The following MS4A4E variants were observed in gnomAD, a reference collection of about 807,000 sequenced individuals.
MS4A4E encodes the protein putative membrane-spanning 4-domains subfamily A member 4E.
MS4A4E carries 23 observed loss-of-function variants against 13.3 expected under a neutral mutation model. That is an observed-to-expected ratio of 1.73 (90% confidence interval 1.25 to 2.45). The LOEUF is 2.45. Ranked by LOEUF, MS4A4E falls within the 30% of genes most tolerant of loss-of-function variation. The pLI is 0.00. For missense variants in MS4A4E, 144 were observed against 131.2 expected (o/e 1.10, Z -0.48); for synonymous variants, 36 against 45.6 (o/e 0.79, Z 0.85).
chr11:60,213,765 C>T, intron 4 of MS4A4E, among the ~76,000 whole-genome samples: 1 of 152,094 alleles, frequency 6.6e-6, no homozygotes, highest in Non-Finnish European at 1.5e-5. Context: ...GAGATCTTGG[C>T]TTTTGCATTT....
At chr11:60,217,155 C>T (rs1426368177) in intron 3 of MS4A4E, among the ~76,000 whole-genome samples, 2 of 152,148 alleles carry the variant, frequency 1.3e-5, no homozygotes, top group Admixed American at 6.6e-5. Context: ...TACTGAGCCT[C>T]AAATCTTCTA....
At chr11:60,232,725 C>G (rs1395983446) in intron 1 of MS4A4E, among the ~76,000 whole-genome samples, 1 of 152,190 alleles carries the variant, frequency 6.6e-6, no homozygotes, top group Non-Finnish European at 1.5e-5. Context: ...GCTGCCCCTT[C>G]TTGGAACTGA....
Position 60,200,672 on chromosome 11 carries a change from A to C in MS4A4E, c.*871T>G, listed in dbSNP as rs1462519046. On this transcript the variant is annotated 3_prime_UTR_variant, in exon 9 of 9. Coordinates refer to ENST00000651255, the MANE Select transcript of MS4A4E (RefSeq NM_001393391.1). The stretch of plus-strand genomic sequence containing the variant: ...TTTCTTAGTACAGAACAAAATGAAA[A>C]GTCTCCCATGTCTACTTCTTTCCAC... 6.6e-6 allele frequency among the ~76,000 whole-genome samples: 1 copy of C among 152,220 alleles called. No homozygotes were observed. The highest frequency in any genetic ancestry group is 1.5e-5 in the Non-Finnish European group (1 of 68,044).
At position 60,205,722 on chromosome 11, in the gene MS4A4E, AGT is replaced by A. The variant is rs2084030578; in HGVS notation, c.580_581del (p.Thr194CysfsTer16). ...AAGTCCACATTATTTACCACCATAC[AGT>A]ACTGTCGACATCAACATTTAGTCTC... is the stretch of plus-strand genomic sequence containing the variant. ...GKRLNVDVDS[T>X]VWCSGDGQYL... On this transcript the variant is annotated frameshift_variant, in exon 7 of 9. Coordinates refer to ENST00000651255, the MANE Select transcript of MS4A4E (RefSeq NM_001393391.1). LOFTEE classifies it high-confidence loss of function. 1.3e-5 allele frequency among the ~76,000 whole-genome samples: 2 copies of A among 152,258 alleles called. No individual in the cohort carries two copies. Among genetic ancestry groups the A allele is most frequent in the Non-Finnish European group, 2.9e-5 (2 of 68,044 alleles).
intron 1 of MS4A4E, among the ~76,000 whole-genome samples, chr11:60,239,110 G>T (rs2084518012): frequency 6.6e-6 from 1 of 152,218 alleles, no homozygotes; most frequent in Admixed American, 6.5e-5. Flanking sequence ...CTATTCGCCA[G>T]ACTAGTGTAG....
intron 3 of MS4A4E, among the ~76,000 whole-genome samples, chr11:60,217,529 T>G (rs1407372452): frequency 2.0e-5 from 3 of 152,142 alleles, no homozygotes; most frequent in Non-Finnish European, 1.5e-5. Flanking sequence ...CTGCGCTGCC[T>G]AATGCAACAG....
chr11:60,236,862 G>A lies in MS4A4E; in HGVS notation c.-17+6096C>T, dbSNP rs376104595. ...AGCAATTCTCCTGCCTCAGCCTCCC[G>A]AATACCTGGGACTACAGGCATGCAC... On this transcript the variant is annotated intron_variant, in intron 1 of 8. Coordinates refer to ENST00000651255, the MANE Select transcript of MS4A4E (RefSeq NM_001393391.1). Among the ~76,000 whole-genome samples the A allele has an allele frequency of 3.3e-5, 5 of 151,634 alleles. No individual in the cohort carries two copies. The East Asian group carries it at 7.8e-4, about 24-fold the overall frequency.
rs567649853 is a variant in MS4A4E at position 60,213,454 on chromosome 11, C to T, written c.223-322G>A. The T allele has an allele frequency of 4.4e-5, 29 of 656,086 alleles. No individual in the cohort carries two copies. In the South Asian group the frequency reaches 5.0e-4, roughly 11 times the overall value. The allele number at this position is 656,086 out of a possible 1,614,324, so 40.6% of individuals were successfully genotyped here. ...ATTCCTTGCTTCTGGTGCCCGATCT[C>T]TTATCATTGTTCTAAACACTGCTTG... On this transcript the variant is annotated intron_variant, in intron 4 of 8. Coordinates refer to ENST00000651255, the MANE Select transcript of MS4A4E (RefSeq NM_001393391.1).
chr11:60,225,161 A>G, intron 3 of MS4A4E: 1 of 1,359,882 alleles, frequency 7.4e-7, no homozygotes, highest in African/African-American at 1.4e-5. Context: ...TCCCTTTCCA[A>G]TCACTAAGCT....
intron 5 of MS4A4E, among the ~76,000 whole-genome samples, chr11:60,211,255 T>C (rs556964486): frequency 6.6e-6 from 1 of 152,216 alleles, no homozygotes; most frequent in African/African-American, 2.4e-5. Flanking sequence ...GGAAAATTTG[T>C]CAAATTCTCA....
intron 1 of MS4A4E, among the ~76,000 whole-genome samples, chr11:60,240,153 G>T (rs542312999): frequency 1.3e-5 from 2 of 152,326 alleles, no homozygotes; most frequent in African/African-American, 4.8e-5. Context: ...AAGAGCTAAA[G>T]GTAACAGGAA....
chr11:60,226,457 C>T (rs1001304135), intron 3 of MS4A4E, among the ~76,000 whole-genome samples: 1 of 152,056 alleles, frequency 6.6e-6, no homozygotes, highest in Non-Finnish European at 1.5e-5. Flanking sequence ...TGGGATTTAT[C>T]CCAGATATGC....
At chr11:60,204,778 TG>T (rs1313372194) in intron 8 of MS4A4E, among the ~76,000 whole-genome samples, 111 bp downstream of exon 8, 1 of 152,224 alleles carries the variant, frequency 6.6e-6, no homozygotes, top group Non-Finnish European at 1.5e-5. Context: ...GTATTCTCAC[TG>T]ATGTCCCATA....
intron 3 of MS4A4E, among the ~76,000 whole-genome samples, chr11:60,227,085 G>C (rs1334667210): frequency 6.6e-6 from 1 of 151,554 alleles, no homozygotes; most frequent in Non-Finnish European, 1.5e-5. Flanking sequence ...TGTTTGTTAG[G>C]CATAAATCTA....
intron 5 of MS4A4E, among the ~76,000 whole-genome samples, chr11:60,210,539 C>T (rs996928158): frequency 3.3e-5 from 5 of 152,210 alleles, no homozygotes; most frequent in African/African-American, 1.2e-4. Context: ...TATGGTTCTG[C>T]CTAATGATTC....
intron 1 of MS4A4E, among the ~76,000 whole-genome samples, chr11:60,231,359 A>G (rs2084409493): frequency 6.6e-6 from 1 of 152,012 alleles, no homozygotes; most frequent in East Asian, 1.9e-4. Flanking sequence ...TGATTGAAGT[A>G]GTTAAGATAA....
intron 1 of MS4A4E, among the ~76,000 whole-genome samples, chr11:60,231,889 C>A (rs1238248376): frequency 6.6e-6 from 1 of 152,038 alleles, no homozygotes; most frequent in Non-Finnish European, 1.5e-5. Context: ...TTAGGAGCAT[C>A]TGGATATATA....
chr11:60,237,119 C>T (rs1393703781), intron 1 of MS4A4E, among the ~76,000 whole-genome samples: 1 of 152,168 alleles, frequency 6.6e-6, no homozygotes, highest in South Asian at 2.1e-4. Context: ...CTCTAATAAG[C>T]CCCAGTGTGT....
chr11:60,205,550 T>C (rs2084028254), intron 7 of MS4A4E, among the ~76,000 whole-genome samples, 164 bp downstream of exon 7: 1 of 152,216 alleles, frequency 6.6e-6, no homozygotes, highest in South Asian at 2.1e-4. Context: ...GAAATTATCA[T>C]AGGTCTATGG....
Sources: gnomAD v4.1 joint callset for allele counts (sites outside exome capture counted in the v4.1 genomes callset) on GRCh38, gnomAD v4.1.1 for gene constraint, MANE v1.5 for transcripts, NCBI Gene and HGNC (gene_info 2026-07-23, HGNC 2026-07-21) for gene names.